NOL4: variants seen among roughly 807,000 people sequenced by gnomAD.
NOL4 encodes nucleolar protein 4.
Under a neutral mutation model 75.9 loss-of-function variants are expected in NOL4, and 17 were observed. The ratio of observed to expected loss-of-function variants is 0.22; its 90% CI spans 0.15 to 0.34. The LOEUF (loss-of-function observed/expected upper bound fraction) is 0.34. Among genes scored for constraint, NOL4 ranks in the 10% least tolerant of loss-of-function variants. NOL4 has a pLI of 1.00. For synonymous variants in NOL4, 292 were observed against 289.9 expected (o/e 1.01, Z -0.07); for missense variants, 614 against 793.5 (o/e 0.77, Z 2.72).
chr18:34,064,841 C>A (rs2145174827), intron 5 of NOL4, among the ~76,000 whole-genome samples: 1 of 151,484 alleles, frequency 6.6e-6, no homozygotes, highest in Middle Eastern at 3.4e-3. Context: ...TATTTTCTAT[C>A]TAAAGGAGCT....
intron 9 of NOL4, among the ~76,000 whole-genome samples, chr18:33,896,675 C>A (rs1479909327): frequency 1.3e-5 from 2 of 152,012 alleles, no homozygotes; most frequent in African/African-American, 4.8e-5. Context: ...CCTTGGAAGA[C>A]AACTTAGGCA....
chr18:33,915,824 T>C (rs1434226044), intron 9 of NOL4, among the ~76,000 whole-genome samples: 6 of 152,190 alleles, frequency 3.9e-5, no homozygotes, highest in Admixed American at 3.3e-4. Flanking sequence ...GTCTCTCTCC[T>C]GGGAACCAGG....
intron 5 of NOL4, among the ~76,000 whole-genome samples, chr18:34,061,980 T>A (rs2077081188): frequency 6.6e-6 from 1 of 151,986 alleles, no homozygotes; most frequent in Non-Finnish European, 1.5e-5. Flanking sequence ...TTATTCAGAA[T>A]GACATATACT....
intron 5 of NOL4, among the ~76,000 whole-genome samples, chr18:34,058,617 C>T (rs2076932491): frequency 6.6e-6 from 1 of 152,146 alleles, no homozygotes; most frequent in African/African-American, 2.4e-5. Flanking sequence ...AAGCACCTGT[C>T]ATATTCCATC....
At chr18:34,191,288 A>G (rs1330350597) in intron 1 of NOL4, among the ~76,000 whole-genome samples, 8 of 152,138 alleles carry the variant, frequency 5.3e-5, no homozygotes. Flanking sequence ...TCAGAAATTG[A>G]TTTACACTAT....
chr18:34,223,140 C>A lies in NOL4; in HGVS notation c.114G>T (p.Gln38His). 1 of 1,614,178 alleles carries A rather than the reference C, an allele frequency of 6.2e-7. No individual in the cohort carries two copies. Among genetic ancestry groups the A allele is most frequent in the Non-Finnish European group, 8.5e-7 (1 of 1,180,036 alleles). The stretch of plus-strand genomic sequence containing the variant: ...AGCTCGACTCGGAGCCATTGAGGAG[C>A]TGGACGATCCGTTCGTATTTTTTAC... ...VTRKKYERIV[Q>H]LLNGSESSST... Residue 38 changes from glutamine (Q) to histidine (H), a missense_variant, in exon 1 of 11, where the codon CAG becomes CAT. Gln to His is a conservative substitution (Grantham distance 24). This residue lies in a region of NOL4 where 35 missense variants were observed against 29.2 expected (regional missense o/e 1.20). Coordinates refer to ENST00000261592, the MANE Select transcript of NOL4 (RefSeq NM_003787.5).
intron 5 of NOL4, 63 bp from the exon 6 acceptor site, chr18:34,019,664 C>G (rs915302342): frequency 6.9e-7 from 1 of 1,455,410 alleles, no homozygotes; most frequent in Non-Finnish European, 9.4e-7. Context: ...TCTACTTCAA[C>G]TAGCATTTAT....
chr18:33,958,573 C>T (rs1478000860), intron 6 of NOL4, among the ~76,000 whole-genome samples, 155 bp from the exon 7 acceptor site: 1 of 152,048 alleles, frequency 6.6e-6, no homozygotes, highest in East Asian at 1.9e-4. Flanking sequence ...AAAATTAATT[C>T]AAATTAAATT....
intron 2 of NOL4, among the ~76,000 whole-genome samples, chr18:34,119,418 G>T (rs2080016011): frequency 6.6e-6 from 1 of 152,096 alleles, no homozygotes; most frequent in Non-Finnish European, 1.5e-5. Flanking sequence ...CAATCCTGCA[G>T]TACTGCTTGT....
intron 6 of NOL4, among the ~76,000 whole-genome samples, chr18:34,017,640 G>A (rs2074779652): frequency 6.6e-6 from 1 of 151,992 alleles, no homozygotes; most frequent in African/African-American, 2.4e-5. Flanking sequence ...TTTTCCCAAT[G>A]TGCTATCAAA....
chr18:33,951,801 T>A (rs17747791), intron 8 of NOL4, among the ~76,000 whole-genome samples: 61,215 of 151,948 alleles, frequency 0.4, 12,794 homozygotes, highest in African/African-American at 0.44. Context: ...TCGTATTAGG[T>A]TATTTCTTAA....
chr18:33,961,291 G>A (rs1432032910), intron 6 of NOL4, among the ~76,000 whole-genome samples: 2 of 152,048 alleles, frequency 1.3e-5, no homozygotes, highest in African/African-American at 4.8e-5. Flanking sequence ...TCACTAAAAC[G>A]GATTGTTCTT....
intron 9 of NOL4, among the ~76,000 whole-genome samples, chr18:33,893,303 T>C (rs953296535): frequency 3.9e-5 from 6 of 152,172 alleles, no homozygotes; most frequent in Non-Finnish European, 7.4e-5. Context: ...GGCCTGCCAT[T>C]GGCACACTGT....
intron 5 of NOL4, among the ~76,000 whole-genome samples, chr18:34,050,989 C>A (rs1431595291): frequency 6.6e-6 from 1 of 152,016 alleles, no homozygotes; most frequent in Non-Finnish European, 1.5e-5. Flanking sequence ...TGACAAACTG[C>A]ATTACTAATC....
chr18:34,059,236 A>G (rs1460208351), intron 5 of NOL4, among the ~76,000 whole-genome samples: 1 of 149,692 alleles, frequency 6.7e-6, no homozygotes, highest in African/African-American at 2.5e-5. Context: ...TACTGTCTTC[A>G]TTTTATAAAA....
At chr18:34,128,548 C>A (rs1488743430) in intron 2 of NOL4, among the ~76,000 whole-genome samples, 2 of 151,784 alleles carry the variant, frequency 1.3e-5, no homozygotes, top group African/African-American at 4.8e-5. Flanking sequence ...ATAAAAATAT[C>A]CCAAGAAGCT....
At chr18:34,045,446 A>C (rs752356456) in intron 5 of NOL4, among the ~76,000 whole-genome samples, 2 of 152,128 alleles carry the variant, frequency 1.3e-5, no homozygotes, top group Admixed American at 6.6e-5. Context: ...TCTACTTCTC[A>C]TTCCTGGTTC....
At chr18:33,922,318 C>G (rs1297449662) in intron 9 of NOL4, among the ~76,000 whole-genome samples, 1 of 152,202 alleles carries the variant, frequency 6.6e-6, no homozygotes, top group Non-Finnish European at 1.5e-5. Context: ...CCTTCAGTTG[C>G]TTTCAGCCAT....
At chr18:34,131,073 G>A (rs1013773065) in intron 1 of NOL4, among the ~76,000 whole-genome samples, 151 of 145,436 alleles carry the variant, frequency 1.0e-3, no homozygotes, top group African/African-American at 3.7e-3. Flanking sequence ...CACATACACC[G>A]ACACACACAC....
Sources: gnomAD v4.1 joint callset for allele counts (sites outside exome capture counted in the v4.1 genomes callset) on GRCh38, gnomAD v4.1.1 for gene constraint, gnomAD v4.1.1 regional missense constraint, MANE v1.5 for transcripts, NCBI Gene and HGNC (gene_info 2026-07-23, HGNC 2026-07-21) for gene names.